The following GARNL3 variants were observed in gnomAD, a reference collection of about 807,000 sequenced individuals.
The protein encoded by GARNL3 is GTPase activating Rap/RanGAP domain like 3, also known as GTPase-activating Rap/Ran-GAP domain-like protein 3.
Under a neutral mutation model 125.0 loss-of-function variants are expected in GARNL3, and 63 were observed. The observed-to-expected ratio is 0.50, with a 90% CI of 0.41 to 0.62. GARNL3 has a LOEUF of 0.62. Among genes scored for constraint, GARNL3 ranks in the 20% least tolerant of loss-of-function variants. GARNL3 has a pLI of 0.00. For synonymous variants in GARNL3, 439 were observed against 457.5 expected, an observed-to-expected ratio of 0.96 and a Z score of 0.52; for missense variants, 994 against 1,244.0, an observed-to-expected ratio of 0.80 and a Z score of 3.02.
chr9:127,333,195 T>G, intron 9 of GARNL3, 74 bp downstream of exon 9: 1 of 1,197,782 alleles, frequency 8.3e-7, no homozygotes. Context: ...GTGTCTGAAC[T>G]TATACCAGAG....
At chr9:127,229,498 T>G (rs1222002875) in intron 1 of GARNL3, among the ~76,000 whole-genome samples, 1 of 152,158 alleles carries the variant, frequency 6.6e-6, no homozygotes, top group Non-Finnish European at 1.5e-5. Context: ...TTTTATGTAT[T>G]TATTCATTTA....
chr9:127,241,540 G>A (rs1440352077), intron 1 of GARNL3, among the ~76,000 whole-genome samples: 1 of 151,798 alleles, frequency 6.6e-6, no homozygotes, highest in African/African-American at 2.4e-5. Flanking sequence ...CCAGCCTAGG[G>A]TGAGATTACC....
At chr9:127,329,383 T>TC (rs1360068343) in intron 7 of GARNL3, among the ~76,000 whole-genome samples, 1 of 152,108 alleles carries the variant, frequency 6.6e-6, no homozygotes, top group Non-Finnish European at 1.5e-5. Context: ...ACACATGATC[T>TC]CCCTACCTTG....
chr9:127,236,885 A>G (rs1588663572), intron 1 of GARNL3, among the ~76,000 whole-genome samples: 1 of 152,124 alleles, frequency 6.6e-6, no homozygotes, highest in East Asian at 1.9e-4. Flanking sequence ...GTTATCCATT[A>G]CTCCTGCCAG....
intron 17 of GARNL3, among the ~76,000 whole-genome samples, chr9:127,350,112 T>C (rs1052063545): frequency 1.3e-5 from 2 of 152,220 alleles, no homozygotes; most frequent in African/African-American, 2.4e-5. Context: ...TGTGTTTCAA[T>C]TGTGTGCCCA....
At chr9:127,284,833 T>C (rs1447715870) in intron 1 of GARNL3, among the ~76,000 whole-genome samples, 2 of 151,938 alleles carry the variant, frequency 1.3e-5, no homozygotes, top group African/African-American at 4.8e-5. Context: ...AAAATAAATT[T>C]ATATATGCAT....
chr9:127,305,449 G>A (rs988831118), intron 2 of GARNL3, among the ~76,000 whole-genome samples: 3 of 152,180 alleles, frequency 2.0e-5, no homozygotes, highest in Non-Finnish European at 4.4e-5. Context: ...CAAGGGATGG[G>A]AAGTGTCTTG....
intron 6 of GARNL3, among the ~76,000 whole-genome samples, chr9:127,323,239 G>T (rs1006425660): frequency 6.6e-6 from 1 of 152,142 alleles, no homozygotes; most frequent in African/African-American, 2.4e-5. Flanking sequence ...CAAAAAAGAG[G>T]ACTTCCGATG....
intron 2 of GARNL3, among the ~76,000 whole-genome samples, chr9:127,294,694 A>C (rs978134067): frequency 1.3e-5 from 2 of 152,234 alleles, no homozygotes; most frequent in Non-Finnish European, 2.9e-5. Context: ...GCCTGCCATT[A>C]CCAAAAACAT....
intron 19 of GARNL3, 132 bp from the exon 20 acceptor site, chr9:127,355,165 C>T (rs773559700): frequency 3.4e-5 from 24 of 706,318 alleles, no homozygotes; most frequent in African/African-American, 3.2e-4. Context: ...TGCCTAGTGT[C>T]GGAAACATTC....
At chr9:127,359,620 C>T (rs1830877846) in intron 21 of GARNL3, among the ~76,000 whole-genome samples, 1 of 152,196 alleles carries the variant, frequency 6.6e-6, no homozygotes, top group African/African-American at 2.4e-5. Context: ...TTTCCTAAGA[C>T]TTAGCCAGCT....
In GARNL3 at chr9:127,325,113, G is replaced by A. The variant is rs776863263; in HGVS notation, c.594+18G>A. The A allele has an allele frequency of 1.9e-6, 3 of 1,610,356 alleles. No homozygotes were observed. Reference sequence around the variant, plus strand: ...AACAAGAGGTGAGTAATTCTATGGAGATATTTGCACCTGCTCTGCCTCCAT... The same window carrying A: ...AACAAGAGGTGAGTAATTCTATGGAAATATTTGCACCTGCTCTGCCTCCAT... On this transcript the variant is annotated intron_variant, in intron 7 of 27. Transcript: ENST00000373387.
At chr9:127,368,015 T>C (rs1320612410) in intron 22 of GARNL3, among the ~76,000 whole-genome samples, 2 of 145,742 alleles carry the variant, frequency 1.4e-5, no homozygotes, top group African/African-American at 5.1e-5. Context: ...TTTCTTTTTT[T>C]TTTTTTTTTT....
At chr9:127,365,882 C>T (rs773476324) in intron 22 of GARNL3, among the ~76,000 whole-genome samples, 7 of 152,156 alleles carry the variant, frequency 4.6e-5, no homozygotes, top group Non-Finnish European at 7.3e-5. Context: ...TGCTGTTTCT[C>T]AGGTATTAAT....
chr9:127,384,956 A>G lies in GARNL3; in HGVS notation c.2270-71A>G. On this transcript the variant is annotated intron_variant, in intron 23 of 27. Transcript: ENST00000373387. The surrounding 1 kb of genome is among the most constrained non-coding windows in gnomAD (Gnocchi z 4.0). The stretch of plus-strand genomic sequence containing the variant: ...AGTTTCTAGAGAAGTGAGTGTGACT[A>G]TGACACAGTCACAGCCCCTTCGCGG... 1 of 787,110 alleles carries G rather than the reference A, an allele frequency of 1.3e-6. No individual in the cohort carries two copies. The highest frequency in any genetic ancestry group is 1.8e-5 in the South Asian group (1 of 55,580). 48.8% of individuals were successfully genotyped at this position (787,110 alleles called of 1,614,324 possible).
chr9:127,365,489 T>C, intron 22 of GARNL3, 123 bp downstream of exon 22: 1 of 813,028 alleles, frequency 1.2e-6, no homozygotes, highest in Non-Finnish European at 2.1e-6. Flanking sequence ...TGTAATTGCC[T>C]TCCAGGAAGG....
chr9:127,377,575 T>G (rs906189411), intron 22 of GARNL3, among the ~76,000 whole-genome samples: 4 of 151,822 alleles, frequency 2.6e-5, no homozygotes, highest in African/African-American at 4.8e-5. Flanking sequence ...TCACTTGAGG[T>G]CAGGAGTTCG....
At chr9:127,259,699 A>G (rs1349466861), upstream of GARNL3, among the ~76,000 whole-genome samples, 1 of 152,090 alleles carries the variant, frequency 6.6e-6, no homozygotes, top group African/African-American at 2.4e-5. Context: ...ATTTATGCCA[A>G]CTTTCCAGGT....
At chr9:127,295,297 G>A (rs1215851922) in intron 2 of GARNL3, among the ~76,000 whole-genome samples, 1 of 152,172 alleles carries the variant, frequency 6.6e-6, no homozygotes, top group African/African-American at 2.4e-5. Flanking sequence ...CCATCAGAAT[G>A]GACCATACTT....
Sources: allele counts gnomAD v4.1 joint callset (sites outside exome capture counted in the v4.1 genomes callset), GRCh38; gene constraint gnomAD v4.1.1; non-coding constraint Gnocchi (gnomAD v3.1); transcripts MANE v1.5; gene names NCBI Gene and HGNC (gene_info 2026-07-23, HGNC 2026-07-21).